MARCHF8: variants seen among roughly 807,000 people sequenced by gnomAD.
MARCHF8 encodes membrane associated ring-CH-type finger 8.
Under a neutral mutation model 51.6 loss-of-function variants are expected in MARCHF8, and 40 were observed. The observed-to-expected ratio is 0.77, with a 90% confidence interval of 0.60 to 1.01. The LOEUF is 1.01. Among genes scored for constraint, MARCHF8 ranks in the 50% least tolerant of loss-of-function variants. The probability of loss-of-function intolerance (pLI) is 0.00; values close to 1 mark genes in which losing one functional copy is unlikely to be tolerated. For synonymous variants in MARCHF8, 263 were observed against 280.3 expected, an observed-to-expected ratio of 0.94 and a Z score of 0.62; for missense variants, 685 against 708.6, an observed-to-expected ratio of 0.97 and a Z score of 0.38.
chr10:45,489,894 GCTGAATA>G (rs1341317337), intron 2 of MARCHF8, among the ~76,000 whole-genome samples: 1 of 152,120 alleles, frequency 6.6e-6, no homozygotes, highest in Non-Finnish European at 1.5e-5. Flanking sequence ...CTAACAAAGT[GCTGAATA>G]CTCAATCGGG....
At chr10:45,539,430 C>A (rs1428899227), upstream of MARCHF8, among the ~76,000 whole-genome samples, 1 of 152,132 alleles carries the variant, frequency 6.6e-6, no homozygotes, top group African/African-American at 2.4e-5. Context: ...AGAGCAAACA[C>A]ATTCAAAAGC....
intron 2 of MARCHF8, among the ~76,000 whole-genome samples, chr10:45,509,545 G>A (rs1398569227): frequency 6.6e-6 from 1 of 152,152 alleles, no homozygotes; most frequent in Non-Finnish European, 1.5e-5. Context: ...GGACATAAGT[G>A]GAAATATTGG....
chr10:45,568,394 A>T lies in MARCHF8; in HGVS notation c.-79+25841T>A, dbSNP rs1458252330. Among the ~76,000 whole-genome samples the T allele has an allele frequency of 2.0e-5, 3 of 152,262 alleles. No homozygotes were observed. In the East Asian group the frequency reaches 5.8e-4, roughly 29 times the overall value. ...CCAATTTTCGGTTTCCCTGGACCACACTGGAAGAACTGTCTTGAACCACAC... is the reference window on the plus strand; with the variant it reads ...CCAATTTTCGGTTTCCCTGGACCACTCTGGAAGAACTGTCTTGAACCACAC... On this transcript the variant is annotated intron_variant, in intron 1 of 6. Coordinates refer to the MARCHF8 transcript ENST00000319836.
chr10:45,535,948 C>G (rs1218283195), upstream of MARCHF8, among the ~76,000 whole-genome samples: 1 of 152,138 alleles, frequency 6.6e-6, no homozygotes, highest in African/African-American at 2.4e-5. Context: ...GTTCATGGAT[C>G]AGAAGATTTA....
chr10:45,537,828 G>A (rs998394543), upstream of MARCHF8, among the ~76,000 whole-genome samples: 11 of 151,988 alleles, frequency 7.2e-5, no homozygotes, highest in African/African-American at 2.7e-4. Context: ...AGGAAGCAGT[G>A]GATTCAATGA....
chr10:45,504,316 T>C (rs1438404110), intron 2 of MARCHF8, among the ~76,000 whole-genome samples: 1 of 152,188 alleles, frequency 6.6e-6, no homozygotes, highest in Non-Finnish European at 1.5e-5. Flanking sequence ...AGGTGGCACA[T>C]GCCTGTAATC....
At chr10:45,506,003 A>C (rs1240912789) in intron 2 of MARCHF8, among the ~76,000 whole-genome samples, 2 of 152,206 alleles carry the variant, frequency 1.3e-5, no homozygotes, top group East Asian at 1.9e-4. Context: ...GTTGTCTTTC[A>C]ATGTGTGAAG....
At chr10:45,542,868 T>TA (rs1564510617) in intron 1 of MARCHF8, among the ~76,000 whole-genome samples, 1 of 152,166 alleles carries the variant, frequency 6.6e-6, no homozygotes, top group South Asian at 2.1e-4. Flanking sequence ...TTATTTAAGA[T>TA]AATAAATAAA....
chr10:45,519,144 T>A (rs1157692897), intron 2 of MARCHF8, among the ~76,000 whole-genome samples: 1 of 152,216 alleles, frequency 6.6e-6, no homozygotes, highest in Non-Finnish European at 1.5e-5. Context: ...AAAGTGCCAT[T>A]CGTAAAGGAT....
intron 2 of MARCHF8, among the ~76,000 whole-genome samples, chr10:45,498,334 A>T (rs12246131): frequency 0.23 from 35,194 of 152,108 alleles, 4,287 homozygotes; most frequent in Admixed American, 0.3. Flanking sequence ...AAATATTTTT[A>T]AAAATTTTTA....
chr10:45,551,088 T>A (rs1021028513), intron 1 of MARCHF8, among the ~76,000 whole-genome samples: 4 of 152,044 alleles, frequency 2.6e-5, no homozygotes, highest in African/African-American at 9.7e-5. Context: ...CTCAGAGAGG[T>A]CAAGTGATCC....
At chr10:45,594,730 G>A (rs1211268275) in exon 1 of MARCHF8, 1 of 152,090 alleles carries the variant, frequency 6.6e-6, no homozygotes, top group Non-Finnish European at 1.5e-5. Context: ...GGCTGCGCGC[G>A]GCGTGGGGGA....
In MARCHF8 at chr10:45,461,399, A is replaced by G. The variant is rs534469980; in HGVS notation, c.1101T>C (p.Cys367=). 8.2e-6 allele frequency: 13 copies of G among 1,576,864 alleles called. No individual in the cohort carries two copies. The South Asian group carries it at 1.3e-4, about 15-fold the overall frequency. The change falls in exon 6 of 8, where the codon TGT becomes TGC. Residue 367 remains cysteine (C), a synonymous_variant. Coordinates refer to ENST00000453424, the MANE Select transcript of MARCHF8 (RefSeq NM_001282866.2). ...TCAGGGGGCTCTCATCATCTCCTTCACAGTGGCAGATCCTATGGTGGAAGG... is the reference window on the plus strand; with the variant it reads ...TCAGGGGGCTCTCATCATCTCCTTCGCAGTGGCAGATCCTATGGTGGAAGG... ...TSGDVCRICH[C]EGDDESPLIT... is the part of the protein sequence containing the mutation.
chr10:45,594,277 G>A (rs571367410), exon 1 of MARCHF8: 43 of 152,304 alleles, frequency 2.8e-4, no homozygotes, highest in African/African-American at 1.0e-3. Context: ...CAGGTCTCTC[G>A]AGATCACACG....
chr10:45,473,529 G>C (rs2042732228), intron 3 of MARCHF8, among the ~76,000 whole-genome samples: 1 of 152,188 alleles, frequency 6.6e-6, no homozygotes, highest in Non-Finnish European at 1.5e-5. Context: ...TGAATGAGAA[G>C]GCTTCCCTGG....
intron 1 of MARCHF8, among the ~76,000 whole-genome samples, chr10:45,560,719 T>C (rs2044301277): frequency 6.6e-6 from 1 of 152,178 alleles, no homozygotes; most frequent in Non-Finnish European, 1.5e-5. Context: ...ACCCCACATC[T>C]GTCCTCGTGG....
chr10:45,569,074 A>C lies in MARCHF8; in HGVS notation c.-79+25161T>G, dbSNP rs868498674. On this transcript the variant is annotated intron_variant, in intron 1 of 6. Coordinates refer to the MARCHF8 transcript ENST00000319836. Reference sequence around the variant, plus strand: ...AGCAAGACTCCATCTCAAAAAAAAAAAAAAAAAAAAAATTGCAAAAAAAAA... The same window carrying C: ...AGCAAGACTCCATCTCAAAAAAAAACAAAAAAAAAAAATTGCAAAAAAAAA... 2.0e-3 allele frequency among the ~76,000 whole-genome samples: 296 copies of C among 151,652 alleles called. 2 individuals carry two copies. The highest frequency in any genetic ancestry group is 0.01 in the Middle Eastern group (3 of 292).
At chr10:45,509,377 A>G (rs2043451316) in intron 2 of MARCHF8, among the ~76,000 whole-genome samples, 1 of 152,216 alleles carries the variant, frequency 6.6e-6, no homozygotes, top group Non-Finnish European at 1.5e-5. Flanking sequence ...CTCATAACTT[A>G]GTAGACTCTG....
intron 1 of MARCHF8, among the ~76,000 whole-genome samples, chr10:45,585,185 C>T (rs1347734849): frequency 6.6e-6 from 1 of 152,144 alleles, no homozygotes; most frequent in African/African-American, 2.4e-5. Flanking sequence ...ACTACTACTT[C>T]TAGAAAAGTT....
Sources: gnomAD v4.1 joint callset for allele counts (sites outside exome capture counted in the v4.1 genomes callset) on GRCh38, gnomAD v4.1.1 for gene constraint, MANE v1.5 for transcripts, NCBI Gene and HGNC (gene_info 2026-07-23, HGNC 2026-07-21) for gene names.